PTPRD: variants seen among roughly 807,000 people sequenced by gnomAD.
The protein encoded by PTPRD is receptor-type tyrosine-protein phosphatase delta.
A neutral mutation model predicts 214.5 loss-of-function variants in PTPRD; 34 were observed. The observed-to-expected ratio is 0.16, with a 90% CI of 0.12 to 0.21. The LOEUF is 0.21. Ranked by LOEUF, PTPRD falls within the 10% of genes least tolerant of loss-of-function variation. The pLI is 1.00. For synonymous variants in PTPRD, 1,128 were observed against 845.7 expected (o/e 1.33, Z -5.79); for missense variants, 2,545 against 2,398.7 (o/e 1.06, Z -1.27).
chr9:10,208,929 C>T (rs954556257), intron 3 of PTPRD, among the ~76,000 whole-genome samples: 32 of 152,260 alleles, frequency 2.1e-4, no homozygotes, highest in African/African-American at 7.0e-4. Context: ...ACGTAACAGA[C>T]ACCTTAAGGA....
chr9:9,080,564 T>A (rs777773169), intron 10 of PTPRD, among the ~76,000 whole-genome samples: 1 of 152,048 alleles, frequency 6.6e-6, no homozygotes, highest in African/African-American at 2.4e-5. Context: ...CAAGATTACA[T>A]AGCTACAGGC....
intron 9 of PTPRD, among the ~76,000 whole-genome samples, chr9:9,299,969 C>G (rs530321292): frequency 6.7e-6 from 1 of 149,594 alleles, no homozygotes; most frequent in East Asian, 2.0e-4. Flanking sequence ...ACATAGTTAA[C>G]TATTATCTCG....
intron 34 of PTPRD, among the ~76,000 whole-genome samples, chr9:8,444,008 A>C (rs1330823709): frequency 6.6e-6 from 1 of 152,178 alleles, no homozygotes; most frequent in African/African-American, 2.4e-5. Context: ...ACCTTCAGTA[A>C]AGGATTTTTA....
intron 3 of PTPRD, among the ~76,000 whole-genome samples, chr9:10,214,153 T>C (rs999304961): frequency 2.2e-4 from 34 of 152,150 alleles, no homozygotes; most frequent in African/African-American, 7.2e-4. Flanking sequence ...TTACATCACA[T>C]GCAATCATTC....
intron 3 of PTPRD, among the ~76,000 whole-genome samples, chr9:10,338,382 A>G (rs1313013011): frequency 6.6e-6 from 1 of 151,772 alleles, no homozygotes; most frequent in Non-Finnish European, 1.5e-5. Flanking sequence ...CTTTCAACTG[A>G]TAGTCCTTCC....
At chr9:9,857,953 A>C (rs919905659) in intron 5 of PTPRD, among the ~76,000 whole-genome samples, 1 of 152,232 alleles carries the variant, frequency 6.6e-6, no homozygotes, top group East Asian at 1.9e-4. Flanking sequence ...GAAAGAAATA[A>C]TTTTAAGTGA....
intron 35 of PTPRD, among the ~76,000 whole-genome samples, chr9:8,411,919 G>A (rs1198996934): frequency 7.9e-5 from 12 of 152,180 alleles, no homozygotes; most frequent in Admixed American, 7.9e-4. Context: ...TAGAATTTCT[G>A]ATGTTATTTG....
chr9:10,522,837 A>T (rs2052801749), intron 2 of PTPRD, among the ~76,000 whole-genome samples: 1 of 152,078 alleles, frequency 6.6e-6, no homozygotes, highest in Admixed American at 6.6e-5. Flanking sequence ...GAAAATAAAA[A>T]ATTAATGCAT....
chr9:10,407,522 C>A (rs1587487954), intron 2 of PTPRD, among the ~76,000 whole-genome samples: 1 of 151,508 alleles, frequency 6.6e-6, no homozygotes, highest in Non-Finnish European at 1.5e-5. Flanking sequence ...CAGCTGCAAA[C>A]AGCTTTCGGC....
At chr9:9,183,238 T>A (rs1016259506) in intron 10 of PTPRD, 66 bp downstream of exon 10, 4 of 151,994 alleles carry the variant, frequency 2.6e-5, no homozygotes, top group African/African-American at 9.7e-5. Context: ...GAACTATACA[T>A]CAGTTACTGT....
intron 34 of PTPRD, among the ~76,000 whole-genome samples, chr9:8,438,362 T>C (rs1217208714): frequency 6.6e-6 from 1 of 152,200 alleles, no homozygotes; most frequent in Non-Finnish European, 1.5e-5. Flanking sequence ...TCCAGTCAGC[T>C]AAAATTTTAG....
intron 2 of PTPRD, among the ~76,000 whole-genome samples, chr9:10,558,084 C>T (rs771161432): frequency 1.3e-4 from 20 of 152,104 alleles, no homozygotes; most frequent in Non-Finnish European, 2.4e-4. Flanking sequence ...ACAGTCCTTG[C>T]TACTGAAATG....
intron 9 of PTPRD, among the ~76,000 whole-genome samples, chr9:9,394,894 A>G (rs537503177): frequency 6.6e-6 from 1 of 152,182 alleles, no homozygotes; most frequent in African/African-American, 2.4e-5. Context: ...ATTTGTAACA[A>G]TTGCACCAAA....
chr9:9,208,017 C>A (rs1179239648), intron 9 of PTPRD, among the ~76,000 whole-genome samples: 1 of 29,870 alleles, frequency 3.3e-5, no homozygotes, highest in Non-Finnish European at 7.8e-5. Flanking sequence ...TCATATATAT[C>A]TGCTTTTTTT....
intron 14 of PTPRD, among the ~76,000 whole-genome samples, chr9:8,601,438 A>T (rs1231377444): frequency 6.6e-6 from 1 of 152,212 alleles, no homozygotes; most frequent in Non-Finnish European, 1.5e-5. Context: ...GGCAAGACTC[A>T]GTGCTATTCT....
At chr9:9,957,788 C>G (rs1200341645) in intron 4 of PTPRD, among the ~76,000 whole-genome samples, 1 of 151,776 alleles carries the variant, frequency 6.6e-6, no homozygotes, top group Admixed American at 6.6e-5. Flanking sequence ...TCAAGACTTA[C>G]TAAAAATCTA....
intron 11 of PTPRD, among the ~76,000 whole-genome samples, chr9:8,902,485 G>C (rs982820006): frequency 4.0e-5 from 6 of 151,846 alleles, no homozygotes; most frequent in Non-Finnish European, 7.4e-5. Context: ...TAGGACTACA[G>C]GCAATGTGCC....
chr9:9,306,270 A>T (rs1204964453), intron 9 of PTPRD, among the ~76,000 whole-genome samples: 2 of 152,024 alleles, frequency 1.3e-5, no homozygotes, highest in African/African-American at 4.8e-5. Context: ...CTTTAAAATG[A>T]CATGTTTTCT....
At chr9:9,418,224 T>A (rs1460598814) in intron 8 of PTPRD, among the ~76,000 whole-genome samples, 4 of 152,014 alleles carry the variant, frequency 2.6e-5, no homozygotes, top group Admixed American at 6.6e-5. Flanking sequence ...TGCTCAATGA[T>A]GTATTTCTGA....
Sources: allele counts gnomAD v4.1 joint callset (sites outside exome capture counted in the v4.1 genomes callset), GRCh38; gene constraint gnomAD v4.1.1; transcripts MANE v1.5; gene names NCBI Gene and HGNC (gene_info 2026-07-23, HGNC 2026-07-21).